FMN1: variants seen among roughly 807,000 people sequenced by gnomAD.
The protein encoded by FMN1 is formin 1, also known as formin-1.
FMN1 carries 110 observed loss-of-function variants against 132.4 expected under a neutral mutation model. That is an observed-to-expected ratio of 0.83 (90% CI 0.71 to 0.97). FMN1 has a LOEUF of 0.97. Ranked by LOEUF, FMN1 falls within the 50% of genes least tolerant of loss-of-function variation. The pLI, the probability that FMN1 is intolerant of heterozygous loss-of-function variation, is 0.00. For synonymous variants in FMN1, 722 were observed against 651.7 expected, an observed-to-expected ratio of 1.11 and a Z score of -1.64; for missense variants, 1,792 against 1,705.3, an observed-to-expected ratio of 1.05 and a Z score of -0.90.
intron 7 of FMN1, among the ~76,000 whole-genome samples, chr15:32,973,539 T>C (rs2031957251): frequency 6.6e-6 from 1 of 152,088 alleles, no homozygotes; most frequent in African/African-American, 2.4e-5. Flanking sequence ...GAAATCTTTC[T>C]GGATCACTAA....
intron 17 of FMN1, among the ~76,000 whole-genome samples, chr15:32,806,719 G>A (rs1214961411): frequency 1.3e-5 from 2 of 152,212 alleles, no homozygotes; most frequent in African/African-American, 4.8e-5. Flanking sequence ...GCACATTGGA[G>A]GATCTTTGCA....
intron 5 of FMN1, among the ~76,000 whole-genome samples, chr15:33,071,442 A>C (rs921008461): frequency 6.6e-6 from 1 of 152,200 alleles, no homozygotes; most frequent in Non-Finnish European, 1.5e-5. Context: ...CAATGTCATA[A>C]ATGAGCACCA....
chr15:32,902,992 T>TCA (rs1293049463), intron 12 of FMN1, among the ~76,000 whole-genome samples: 1 of 152,258 alleles, frequency 6.6e-6, no homozygotes, highest in Admixed American at 6.5e-5. Flanking sequence ...TTGCCATCTC[T>TCA]CACCAAAAAT....
At chr15:32,817,864 T>A (rs1258790) in intron 17 of FMN1, among the ~76,000 whole-genome samples, 65,002 of 152,066 alleles carry the variant, frequency 0.43, 15,710 homozygotes, top group Non-Finnish European at 0.54. Context: ...GAAGAAAAAT[T>A]TGTACAAACA....
At chr15:32,793,306 G>A (rs571397709) in intron 19 of FMN1, among the ~76,000 whole-genome samples, 21 of 151,592 alleles carry the variant, frequency 1.4e-4, no homozygotes, top group Non-Finnish European at 2.9e-4. Flanking sequence ...TTTAAAGACA[G>A]TCTCACTCTG....
Position 32,968,714 on chromosome 15 carries a change from C to T in FMN1, c.2987G>A (p.Ser996Asn). Residue 996 changes from serine to asparagine, a missense_variant and splice_region_variant, in exon 8 of 21, where the codon AGC (serine) becomes AAC (asparagine). Physicochemically the swap from Ser to Asn is conservative, Grantham distance 46. Transcript: ENST00000616417. ...GAGAATGGGATAGGGGAGAACTTAC[C>T]TCCTATCACTTATTTGTATCCTAGT... ...YWTRIQISDRSQNATPTLWDS... is the reference protein window; with the variant it reads ...YWTRIQISDRNQNATPTLWDS... 2 of 1,613,576 alleles carry T rather than the reference C, an allele frequency of 1.2e-6. No homozygotes were observed. Among genetic ancestry groups the T allele is most frequent in the Non-Finnish European group, 8.5e-7 (1 of 1,179,736 alleles).
At chr15:33,078,085 A>G (rs2038293986) in intron 5 of FMN1, among the ~76,000 whole-genome samples, 1 of 152,200 alleles carries the variant, frequency 6.6e-6, no homozygotes. Flanking sequence ...TTGAAAAGGG[A>G]CATATTGGGG....
chr15:33,172,121 T>A (rs1965348073), intron 3 of FMN1, among the ~76,000 whole-genome samples: 1 of 150,898 alleles, frequency 6.6e-6, no homozygotes, highest in Non-Finnish European at 1.5e-5. Flanking sequence ...GGCAGGACAA[T>A]GGCGTGAACC....
chr15:32,778,292 T>A lies in FMN1; in HGVS notation c.4131-1373A>T, dbSNP rs563101742. Among the ~76,000 whole-genome samples, 195 of 145,998 alleles carry A rather than the reference T, an allele frequency of 1.3e-3. 1 individual carries two copies. The highest frequency in any genetic ancestry group is 3.6e-3 in the Middle Eastern group (1 of 278). On this transcript the variant is annotated intron_variant, in intron 19 of 20. Transcript: ENST00000616417. The stretch of plus-strand genomic sequence containing the variant: ...ATATATATTTTATATATATATATAT[T>A]TTTTTGAGACAGAGTCTTGCTCTGT...
At chr15:33,043,446 A>G (rs1459542160) in intron 6 of FMN1, among the ~76,000 whole-genome samples, 6 of 152,132 alleles carry the variant, frequency 3.9e-5, no homozygotes, top group African/African-American at 1.4e-4. Flanking sequence ...CCTGTACATC[A>G]CTTGCCTTTT....
chr15:33,095,870 G>GA lies in FMN1; in HGVS notation c.1868-6897dup, dbSNP rs530406061. Reference sequence around the variant, plus strand: ...TTAATAGCTAAGGAAGTAAAGTAGAGAAAAAATTACAAAATACTAAGCCCT... The same window carrying GA: ...TTAATAGCTAAGGAAGTAAAGTAGAGAAAAAAATTACAAAATACTAAGCCCT... On this transcript the variant is annotated intron_variant, in intron 4 of 20. Coordinates refer to ENST00000616417, the MANE Select transcript of FMN1 (RefSeq NM_001277313.2). Among the ~76,000 whole-genome samples, 19 of 151,380 alleles carry GA rather than the reference G, an allele frequency of 1.3e-4. No homozygotes were observed. In the South Asian group the frequency reaches 3.1e-3, roughly 25 times the overall value.
chr15:32,964,762 T>A (rs144258522), intron 8 of FMN1, among the ~76,000 whole-genome samples: 184 of 152,322 alleles, frequency 1.2e-3, no homozygotes, highest in African/African-American at 4.1e-3. Flanking sequence ...TTCATGCAGG[T>A]AAACTCAGTG....
intron 15 of FMN1, among the ~76,000 whole-genome samples, chr15:32,897,994 G>A (rs1242836556): frequency 6.6e-6 from 1 of 152,138 alleles, no homozygotes; most frequent in Non-Finnish European, 1.5e-5. Context: ...GCGGGGAAAC[G>A]ATGAGCCTGG....
chr15:33,182,858 C>T (rs542027218), intron 2 of FMN1, among the ~76,000 whole-genome samples: 3 of 152,218 alleles, frequency 2.0e-5, no homozygotes, highest in Non-Finnish European at 4.4e-5. Context: ...GCTACTATTA[C>T]TTGAGCACTT....
At chr15:32,981,543 A>AATTATT (rs3081379) in intron 7 of FMN1, among the ~76,000 whole-genome samples, 2,166 of 138,344 alleles carry the variant, frequency 0.016, 23 homozygotes, top group Middle Eastern at 0.029. Flanking sequence ...TAATAATAAT[A>AATTATT]ATTATTATTA....
At chr15:33,070,505 T>TG (rs1321568158) in intron 5 of FMN1, among the ~76,000 whole-genome samples, 3 of 151,858 alleles carry the variant, frequency 2.0e-5, no homozygotes, top group Non-Finnish European at 4.4e-5. Flanking sequence ...GAACAGATGC[T>TG]GGAAGGGGCT....
chr15:33,025,816 G>C (rs970333145), intron 6 of FMN1, among the ~76,000 whole-genome samples: 2 of 152,042 alleles, frequency 1.3e-5, no homozygotes, highest in African/African-American at 4.8e-5. Context: ...AGCTAAGTTA[G>C]AATAGAAGAG....
At chr15:33,099,670 G>C (rs2039219658) in intron 4 of FMN1, among the ~76,000 whole-genome samples, 1 of 152,182 alleles carries the variant, frequency 6.6e-6, no homozygotes, top group Non-Finnish European at 1.5e-5. Flanking sequence ...GATTTAAGGA[G>C]CTGTGTTGAT....
At chr15:33,074,935 C>T (rs1595413236) in intron 5 of FMN1, among the ~76,000 whole-genome samples, 1 of 143,488 alleles carries the variant, frequency 7.0e-6, no homozygotes, top group African/African-American at 2.6e-5. Context: ...GCAGGAGAAT[C>T]GCTTGAACCT....
Sources: gnomAD v4.1 joint callset for allele counts (sites outside exome capture counted in the v4.1 genomes callset) on GRCh38, gnomAD v4.1.1 for gene constraint, MANE v1.5 for transcripts, NCBI Gene and HGNC (gene_info 2026-07-23, HGNC 2026-07-21) for gene names.